Variants in FAM114A1 observed in about 807,000 individuals in gnomAD.
FAM114A1 encodes the protein protein NOXP20.
In FAM114A1, 62 loss-of-function variants were observed where a neutral mutation model predicts 64.3. The ratio of observed to expected loss-of-function variants is 0.96; its 90% CI spans 0.79 to 1.19. The LOEUF is 1.19. FAM114A1 is among the 50% of genes most tolerant of loss of function. FAM114A1 has a pLI of 0.00. For missense variants in FAM114A1, 645 were observed against 676.3 expected (o/e 0.95, Z 0.51); for synonymous variants, 254 against 251.1 (o/e 1.01, Z -0.11).
At chr4:38,935,665 A>T in intron 12 of FAM114A1, 53 bp from the exon 13 acceptor site, 3 of 1,327,924 alleles carry the variant, frequency 2.3e-6, no homozygotes, top group Non-Finnish European at 3.2e-6. Context: ...GTGACAGTTA[A>T]ATTATTTTAC....
In FAM114A1 at chr4:38,932,357, A is replaced by T; in HGVS notation, c.1446A>T (p.Gln482His). 1 of 1,591,094 alleles carries T rather than the reference A, an allele frequency of 6.3e-7. No individual in the cohort carries two copies. The highest frequency in any genetic ancestry group is 1.2e-5 in the South Asian group (1 of 86,494). ...GQEEEKPAQD[Q>H]AKVLIKLTTA... Reference sequence around the variant, plus strand: ...AAGAGGAAAAACCAGCTCAGGACCAAGCAAAAGTTCTAATAAAGTAAGTAA... The same window carrying T: ...AAGAGGAAAAACCAGCTCAGGACCATGCAAAAGTTCTAATAAAGTAAGTAA... The change falls in exon 12 of 15, where the codon CAA becomes CAT. Residue 482 changes from glutamine (Q) to histidine (H), a missense_variant. Transcript: ENST00000358869.
At chr4:38,936,548 ATTTTTTTTTT>A (rs761417840) in intron 13 of FAM114A1, among the ~76,000 whole-genome samples, 1 of 110,292 alleles carries the variant, frequency 9.1e-6, no homozygotes, top group Non-Finnish European at 1.9e-5. Context: ...AAGAGTTTTC[ATTTTTTTTTT>A]TTTTTTTTTT....
chr4:38,882,521 C>T (rs1365655838), intron 3 of FAM114A1, among the ~76,000 whole-genome samples: 37 of 151,806 alleles, frequency 2.4e-4, no homozygotes, highest in Admixed American at 2.3e-3. Context: ...CCCAGCTACT[C>T]GAGAGGCTGA....
At chr4:38,892,765 T>C (rs577115621) in intron 4 of FAM114A1, among the ~76,000 whole-genome samples, 48 of 152,252 alleles carry the variant, frequency 3.2e-4, no homozygotes, top group Non-Finnish European at 6.5e-4. Flanking sequence ...CGATAGGCCA[T>C]GAATTGGTCC....
chr4:38,933,418 C>T (rs966039647), intron 12 of FAM114A1, among the ~76,000 whole-genome samples: 1 of 152,164 alleles, frequency 6.6e-6, no homozygotes, highest in Non-Finnish European at 1.5e-5. Flanking sequence ...CTCCACTGCT[C>T]CTGGGGACTT....
At chr4:38,929,181 G>A (rs769045161) in intron 9 of FAM114A1, 61 bp from the exon 10 acceptor site, 3 of 1,325,928 alleles carry the variant, frequency 2.3e-6, no homozygotes, top group African/African-American at 1.4e-5. Context: ...TGTTGGGGGA[G>A]CTGCCACATC....
At chr4:38,890,536 G>A (rs567780027) in intron 3 of FAM114A1, among the ~76,000 whole-genome samples, 5 of 151,816 alleles carry the variant, frequency 3.3e-5, no homozygotes, top group South Asian at 2.1e-4. Context: ...CTTTCTGCCC[G>A]CCCTTCCTTC....
At chr4:38,943,221 A>G (rs1448987377) in intron 14 of FAM114A1, among the ~76,000 whole-genome samples, 1 of 152,072 alleles carries the variant, frequency 6.6e-6, no homozygotes, top group East Asian at 1.9e-4. Flanking sequence ...AATTCCATGA[A>G]AATGATTTGC....
At chr4:38,899,594 A>G (rs1717306689) in intron 4 of FAM114A1, among the ~76,000 whole-genome samples, 1 of 152,232 alleles carries the variant, frequency 6.6e-6, no homozygotes, top group African/African-American at 2.4e-5. Context: ...CAGAAGACTT[A>G]TATTTAGGTA....
intron 6 of FAM114A1, among the ~76,000 whole-genome samples, chr4:38,907,568 G>A (rs561684074): frequency 3.3e-5 from 5 of 152,188 alleles, no homozygotes; most frequent in East Asian, 1.9e-4. Context: ...TCATCCCCCC[G>A]AAGTGTGCGC....
intron 4 of FAM114A1, among the ~76,000 whole-genome samples, chr4:38,897,495 A>C (rs1184907567): frequency 6.6e-6 from 1 of 152,240 alleles, no homozygotes; most frequent in East Asian, 1.9e-4. Flanking sequence ...TACAAAATCA[A>C]ACATTTTTCA....
At chr4:38,895,967 C>T (rs753614484) in intron 4 of FAM114A1, among the ~76,000 whole-genome samples, 9 of 152,060 alleles carry the variant, frequency 5.9e-5, no homozygotes, top group Non-Finnish European at 1.0e-4. Flanking sequence ...TGGTGCATCC[C>T]GCCTACCTTA....
intron 9 of FAM114A1, among the ~76,000 whole-genome samples, chr4:38,927,526 A>G (rs965531521): frequency 2.0e-5 from 3 of 152,110 alleles, no homozygotes; most frequent in Non-Finnish European, 4.4e-5. Flanking sequence ...TTGTCATCAC[A>G]TTGGTATTAG....
At chr4:38,911,596 A>G (rs576246494) in intron 7 of FAM114A1, among the ~76,000 whole-genome samples, 3 of 152,312 alleles carry the variant, frequency 2.0e-5, no homozygotes, top group South Asian at 4.1e-4. Context: ...TAATTTGAAG[A>G]TAGATCCAGA....
chr4:38,938,904 G>A (rs1721332492), intron 13 of FAM114A1, among the ~76,000 whole-genome samples: 1 of 152,220 alleles, frequency 6.6e-6, no homozygotes, highest in Non-Finnish European at 1.5e-5. Flanking sequence ...CATAATATGT[G>A]TTAAATCTTA....
intron 4 of FAM114A1, among the ~76,000 whole-genome samples, chr4:38,901,248 T>A (rs955535150): frequency 6.6e-6 from 1 of 152,122 alleles, no homozygotes; most frequent in Admixed American, 6.5e-5. Context: ...TTCCCTGAGT[T>A]ACCACTTGGT....
chr4:38,885,729 ACC>A (rs1252546386), intron 3 of FAM114A1, among the ~76,000 whole-genome samples: 1 of 152,106 alleles, frequency 6.6e-6, no homozygotes, highest in Non-Finnish European at 1.5e-5. Context: ...AGATAATAGA[ACC>A]TCTATAAATA....
chr4:38,941,135 A>C, intron 14 of FAM114A1, 114 bp downstream of exon 14: 149 of 906,650 alleles, frequency 1.6e-4, no homozygotes, highest in Non-Finnish European at 2.3e-4. Flanking sequence ...TCTGAATCTC[A>C]TCATCAGGTC....
chr4:38,914,294 G>A (rs948123722), intron 7 of FAM114A1, among the ~76,000 whole-genome samples: 1 of 152,248 alleles, frequency 6.6e-6, no homozygotes, highest in African/African-American at 2.4e-5. Context: ...GCCGGGTGCA[G>A]TGGCTCACAC....
Sources: gnomAD v4.1 joint callset for allele counts (sites outside exome capture counted in the v4.1 genomes callset) on GRCh38, gnomAD v4.1.1 for gene constraint, MANE v1.5 for transcripts, NCBI Gene and HGNC (gene_info 2026-07-23, HGNC 2026-07-21) for gene names.